The following ATF5 variants were observed in gnomAD, a reference collection of about 807,000 sequenced individuals.
The protein encoded by ATF5 is cyclic AMP-dependent transcription factor ATF-5.
ATF5 carries 6 observed loss-of-function variants against 4.6 expected under a neutral mutation model. The ratio of observed to expected loss-of-function variants is 1.31; its 90% CI spans 0.72 to 2.59. The LOEUF (loss-of-function observed/expected upper bound fraction) is 2.59, where lower values mean the gene tolerates loss of function less well. Ranked by LOEUF, ATF5 falls within the 30% of genes most tolerant of loss-of-function variation. The pLI, the probability that ATF5 is intolerant of heterozygous loss-of-function variation, is 0.00. For missense variants in ATF5, 410 were observed against 368.7 expected (o/e 1.11, Z -0.92); for synonymous variants, 193 against 165.0 (o/e 1.17, Z -1.30).
At chr19:49,932,289 T>G (rs1445245553) in intron 2 of ATF5, 133 bp from the exon 3 acceptor site, 9 of 840,478 alleles carry the variant, frequency 1.1e-5, no homozygotes, top group Non-Finnish European at 1.8e-5. Flanking sequence ...TTGACTGGTT[T>G]GATGATTCAG....
rs754968361 is a variant in ATF5, at chr19:49,932,674, C to T, written c.431C>T (p.Ser144Phe). The change falls in exon 3 of 3, where the codon TCC (serine) becomes TTC (phenylalanine). Residue 144 changes from serine to phenylalanine, a missense_variant. Coordinates refer to ENST00000423777, the MANE Select transcript of ATF5 (RefSeq NM_001193646.2). ...CCACCAGCCCCCTCCCTCCCCCTGT[C>T]CCTCCCCTCCTTTGACCTCCCCCAG... ...PLPPAPSLPL[S>F]LPSFDLPQPP... is the part of the protein sequence containing the mutation. 6 of 895,830 alleles carry T rather than the reference C, an allele frequency of 6.7e-6. No homozygotes were observed. Among genetic ancestry groups the T allele is most frequent in the African/African-American group, 1.8e-5 (1 of 55,068 alleles). 55.5% of individuals were successfully genotyped at this position (895,830 alleles called of 1,614,324 possible).
chr19:49,929,241 A>G lies in ATF5; in HGVS notation c.-279A>G, dbSNP rs766282293. The G allele has an allele frequency of 1.3e-5, 2 of 153,248 alleles. No homozygotes were observed. The highest frequency in any genetic ancestry group is 2.9e-5 in the Non-Finnish European group (2 of 69,042). 9.5% of individuals were successfully genotyped at this position (153,248 alleles called of 1,614,324 possible). ...TCGGATCACAGTCTCTTCTCACTAC[A>G]GTGTCGCCGCCTCTGCCTGCGTAGC... is the stretch of plus-strand genomic sequence containing the variant. On this transcript the variant is annotated 5_prime_UTR_variant, in exon 1 of 3. Transcript: ENST00000423777.
rs982694432 is a variant in ATF5 at position 49,932,397 on chromosome 19, G to A, written c.179-25G>A. 3 of 1,613,612 alleles carry A rather than the reference G, an allele frequency of 1.9e-6. No homozygotes were observed. In the African/African-American group the frequency reaches 4.0e-5, roughly 22 times the overall value. ...GAAGACCAGCAACTCAGGGAATTTT[G>A]TGTCCCTCCCCACTTTAATCCCAGG... On this transcript the variant is annotated intron_variant, in intron 2 of 2. Transcript: ENST00000423777.
rs1394038310 is a variant in ATF5 at position 49,933,076 on chromosome 19, G to A, written c.833G>A (p.Arg278Lys). The A allele has an allele frequency of 1.2e-5, 19 of 1,594,408 alleles. No homozygotes were observed. Among genetic ancestry groups the A allele is most frequent in the Non-Finnish European group, 1.6e-5 (19 of 1,166,034 alleles). Residue 278 changes from arginine (R) to lysine (K), a missense_variant, in exon 3 of 3, where the codon AGG becomes AAG. Physicochemically the swap from Arg to Lys is conservative, Grantham distance 26. Coordinates refer to ENST00000423777, the MANE Select transcript of ATF5 (RefSeq NM_001193646.2). ...GAGGTTTACAAGGCCCGGAGCCAGAGGACCCGTAGCTGCTAGAAGGGCAGG... is the reference window on the plus strand; with the variant it reads ...GAGGTTTACAAGGCCCGGAGCCAGAAGACCCGTAGCTGCTAGAAGGGCAGG... ...LIEVYKARSQ[R>K]TRSC
chr19:49,932,050 C>A (rs1358638790), intron 2 of ATF5, among the ~76,000 whole-genome samples: 1 of 147,572 alleles, frequency 6.8e-6, no homozygotes, highest in Non-Finnish European at 1.5e-5. Context: ...AAGACTGATT[C>A]TTTCATTGGC....
chr19:49,929,874 T>C (rs1375716551), intron 1 of ATF5: 1 of 152,168 alleles, frequency 6.6e-6, no homozygotes, highest in African/African-American at 2.4e-5. Context: ...GGGTAGCCGT[T>C]CTCCGCGTGC....
Position 49,933,323 on chromosome 19 carries a change from C to T in ATF5, c.*231C>T. ...TAAAAAAAAAAAATCAACCCTTCTT[C>T]CCCACCAAACCACCCAACTCCTCTC... On this transcript the variant is annotated 3_prime_UTR_variant, in exon 3 of 3. Transcript: ENST00000423777. The T allele has an allele frequency of 4.5e-6, 2 of 444,696 alleles. No homozygotes were observed. The highest frequency in any genetic ancestry group is 7.9e-6 in the Non-Finnish European group (2 of 252,542). The allele number at this position is 444,696 out of a possible 1,614,324, so 27.5% of individuals were successfully genotyped here.
In ATF5 at chr19:49,933,373, C is replaced by CT. The variant is rs1457018352; in HGVS notation, c.*282dup. 5.7e-6 allele frequency: 2 copies of CT among 349,478 alleles called. No homozygotes were observed. Among genetic ancestry groups the CT allele is most frequent in the Non-Finnish European group, 1.0e-5 (2 of 193,780 alleles). 21.6% of individuals were successfully genotyped at this position (349,478 alleles called of 1,614,324 possible). On this transcript the variant is annotated 3_prime_UTR_variant, in exon 3 of 3. Coordinates refer to ENST00000423777, the MANE Select transcript of ATF5 (RefSeq NM_001193646.2). ...CTACTCTTATCCTTTTATCCTCTGT[C>CT]TCTGCTTATCACCTCTCTTGCGTAT... is the stretch of plus-strand genomic sequence containing the variant.
chr19:49,932,505 C>G lies in ATF5; in HGVS notation c.262C>G (p.Leu88Val). The G allele has an allele frequency of 1.2e-6, 2 of 1,605,680 alleles. No homozygotes were observed. Among genetic ancestry groups the G allele is most frequent in the Non-Finnish European group, 1.7e-6 (2 of 1,175,164 alleles). Residue 88 changes from leucine to valine, a missense_variant, in exon 3 of 3, where the codon CTC (leucine) becomes GTC (valine). Physicochemically the swap from Leu to Val is conservative, Grantham distance 32. Transcript: ENST00000423777. ...GGAGCCTCCCTTACCCCCCGGCACC[C>G]TCCCCCAACCTTCCCCAACCCCACC... ...PLEPPLPPGT[L>V]PQPSPTPPDL...
At position 49,933,147 on chromosome 19, in the gene ATF5, C is replaced by T. The variant is rs1045130715; in HGVS notation, c.*55C>T. 2 of 1,486,446 alleles carry T rather than the reference C, an allele frequency of 1.3e-6. No homozygotes were observed. The highest frequency in any genetic ancestry group is 1.9e-4 in the Middle Eastern group (1 of 5,230). 92.1% of individuals were successfully genotyped at this position (1,486,446 alleles called of 1,614,324 possible). On this transcript the variant is annotated 3_prime_UTR_variant, in exon 3 of 3. Transcript: ENST00000423777. ...GTCTTCAGCTCTGGCGCCTTCATCC[C>T]CCTGCCTCTACCTTCATTCCAAACC...
In ATF5 at chr19:49,932,829, C is replaced by T. The variant is rs763496743; in HGVS notation, c.586C>T (p.Arg196Cys). ...TCCTCCTTCTCCACCTCAACCTTCTCGCCTGGCCCCCTACCCACATCCTGC... is the reference window on the plus strand; with the variant it reads ...TCCTCCTTCTCCACCTCAACCTTCTTGCCTGGCCCCCTACCCACATCCTGC... ...PPPPSPPQPS[R>C]LAPYPHPATT... Residue 196 changes from arginine (R) to cysteine (C), a missense_variant, in exon 3 of 3, where the codon CGC becomes TGC. Arg to Cys is a radical substitution (Grantham distance 180). Transcript: ENST00000423777. 61 of 1,610,106 alleles carry T rather than the reference C, an allele frequency of 3.8e-5. No homozygotes were observed. The East Asian group carries it at 8.3e-4, about 22-fold the overall frequency.
rs769416245 is a variant in ATF5 at position 49,932,979 on chromosome 19, C to T, written c.736C>T (p.Arg246Trp). The part of the protein sequence containing the change: ...LEGECQGLEA[R>W]NRELKERAES... ...GGGCGAGTGCCAGGGGCTGGAGGCA[C>T]GGAATCGCGAGCTGAAGGAACGGGC... Residue 246 changes from arginine (R) to tryptophan (W), a missense_variant, in exon 3 of 3, where the codon CGG becomes TGG. Physicochemically the swap from Arg to Trp is moderately radical, Grantham distance 101. Coordinates refer to ENST00000423777, the MANE Select transcript of ATF5 (RefSeq NM_001193646.2). 15 of 1,613,892 alleles carry T rather than the reference C, an allele frequency of 9.3e-6. No individual in the cohort carries two copies. Among genetic ancestry groups the T allele is most frequent in the African/African-American group, 5.3e-5 (4 of 74,906 alleles).
intron 1 of ATF5, among the ~76,000 whole-genome samples, chr19:49,930,053 G>A (rs1052803609): frequency 1.3e-5 from 2 of 152,072 alleles, no homozygotes; most frequent in East Asian, 3.9e-4. Flanking sequence ...AACCACTGTC[G>A]TCACGATGGG....
intron 2 of ATF5, 53 bp from the exon 3 acceptor site, chr19:49,932,369 G>A (rs1454057084): frequency 5.7e-6 from 9 of 1,585,610 alleles, no homozygotes; most frequent in East Asian, 2.2e-5. Flanking sequence ...ACCCAACTAC[G>A]CAGAAGACCA....
At position 49,933,000 on chromosome 19, in the gene ATF5, C is replaced by G. The variant is rs765274813; in HGVS notation, c.757C>G (p.Arg253Gly). ...GGCACGGAATCGCGAGCTGAAGGAA[C>G]GGGCAGAGTCCGTGGAGCGCGAGAT... ...LEARNRELKE[R>G]AESVEREIQY... is the part of the protein sequence containing the mutation. Residue 253 changes from arginine to glycine, a missense_variant, in exon 3 of 3, where the codon CGG becomes GGG. Coordinates refer to ENST00000423777, the MANE Select transcript of ATF5 (RefSeq NM_001193646.2). 1 of 1,613,988 alleles carries G rather than the reference C, an allele frequency of 6.2e-7. No homozygotes were observed. Among genetic ancestry groups the G allele is most frequent in the Non-Finnish European group, 8.5e-7 (1 of 1,179,930 alleles).
rs138787262 is a variant in ATF5, at chr19:49,930,865, G to T, written c.15G>T (p.Ala5=). ...GTGCTACAGCCATGTCACTCCTGGC[G>T]ACCCTGGGGCTGGAGCTGGACAGGG... MSLL[A]TLGLELDRAL... Residue 5 remains alanine (A), a synonymous_variant, in exon 2 of 3, where the codon GCG becomes GCT. Transcript: ENST00000423777. 9 of 1,593,112 alleles carry T rather than the reference G, an allele frequency of 5.6e-6. No individual in the cohort carries two copies. The African/African-American group carries it at 8.1e-5, about 14-fold the overall frequency.
At position 49,932,902 on chromosome 19, in the gene ATF5, C is replaced by T. The variant is rs772931728; in HGVS notation, c.659C>T (p.Ser220Leu). Residue 220 changes from serine to leucine, a missense_variant, in exon 3 of 3, where the codon TCG becomes TTG. Coordinates refer to ENST00000423777, the MANE Select transcript of ATF5 (RefSeq NM_001193646.2). Reference protein sequence around the residue: ...RKQKKRDQNKSAALRYRQRKR... With the variant: ...RKQKKRDQNKLAALRYRQRKR... The stretch of plus-strand genomic sequence containing the variant: ...CAAAAGAAGAGAGACCAGAACAAGT[C>T]GGCGGCTCTGAGGTACCGCCAGCGG... 18 of 1,613,572 alleles carry T rather than the reference C, an allele frequency of 1.1e-5. No individual in the cohort carries two copies. The highest frequency in any genetic ancestry group is 1.4e-5 in the Non-Finnish European group (17 of 1,179,808).
rs777048299 is a variant in ATF5, at chr19:49,932,558, CAAG to C, written c.319_321del (p.Lys107del). The stretch of plus-strand genomic sequence containing the variant: ...ACCTGGAAGCTATGGCCTCCCTCCT[CAAG>C]AAGGAGCTGGAACAGATGGAAGACT... On this transcript the variant is annotated inframe_deletion, in exon 3 of 3. Coordinates refer to ENST00000423777, the MANE Select transcript of ATF5 (RefSeq NM_001193646.2). 7 of 1,605,874 alleles carry C rather than the reference CAAG, an allele frequency of 4.4e-6. No individual in the cohort carries two copies. The highest frequency in any genetic ancestry group is 5.9e-6 in the Non-Finnish European group (7 of 1,177,482).
Position 49,930,809 on chromosome 19 carries a change from C to A in ATF5, c.-42C>A. The A allele has an allele frequency of 6.7e-7, 1 of 1,490,744 alleles. No individual in the cohort carries two copies. The highest frequency in any genetic ancestry group is 9.0e-7 in the Non-Finnish European group (1 of 1,113,598). 92.3% of individuals were successfully genotyped at this position (1,490,744 alleles called of 1,614,324 possible). A position where few individuals can be genotyped will look rare whatever the true frequency, so the allele number is the denominator to read the frequency against. ...AGCCTCGTGCCAGCTGCTGGTGCAG[C>A]CTCTCCTGTTGCCATCAGTGCCCAG... On this transcript the variant is annotated 5_prime_UTR_variant, in exon 2 of 3. Coordinates refer to ENST00000423777, the MANE Select transcript of ATF5 (RefSeq NM_001193646.2).
Sources: gnomAD v4.1 joint callset for allele counts (sites outside exome capture counted in the v4.1 genomes callset) on GRCh38, gnomAD v4.1.1 for gene constraint, MANE v1.5 for transcripts, NCBI Gene and HGNC (gene_info 2026-07-23, HGNC 2026-07-21) for gene names.